Variants in SNX25 observed in about 807,000 individuals in gnomAD.
SNX25 encodes sorting nexin-25.
SNX25 carries 62 observed loss-of-function variants against 113.7 expected under a neutral mutation model. The observed-to-expected ratio is 0.55, with a 90% CI of 0.44 to 0.67. The LOEUF (loss-of-function observed/expected upper bound fraction) is 0.67, where lower values mean the gene tolerates loss of function less well. SNX25 is among the 30% of genes least tolerant of loss of function. SNX25 has a pLI of 0.00. For missense variants in SNX25, 1,014 were observed against 1,161.0 expected (o/e 0.87, Z 1.84); for synonymous variants, 421 against 436.2 (o/e 0.97, Z 0.43).
At chr4:185,329,194 C>T (rs575081885) in intron 9 of SNX25, among the ~76,000 whole-genome samples, 12 of 152,188 alleles carry the variant, frequency 7.9e-5, no homozygotes, top group African/African-American at 2.9e-4. Flanking sequence ...TCAAAGGTGC[C>T]GTTTTCAGGC....
chr4:185,333,543 C>T (rs527826576), intron 10 of SNX25, among the ~76,000 whole-genome samples: 2 of 152,244 alleles, frequency 1.3e-5, no homozygotes, highest in Non-Finnish European at 2.9e-5. Context: ...GTAAGAAAAA[C>T]TGGTATCATG....
chr4:185,294,466 A>G (rs1245443059), intron 6 of SNX25, among the ~76,000 whole-genome samples: 1 of 152,192 alleles, frequency 6.6e-6, no homozygotes. Context: ...TGAAGGAGTC[A>G]GGGGTTATGT....
chr4:185,323,543 T>C lies in SNX25; in HGVS notation c.1492T>C (p.Leu498=). ...GTCTTTTCAGAATGAAATTCCACAA[T>C]TAGTTGGTGAAATTTATCAGAATTT... ...KNANKNEIPQ[L]VGEIYQNFFV... Residue 498 remains leucine, a synonymous_variant, in exon 9 of 19, where the codon TTA becomes CTA. Transcript: ENST00000652585. 6.2e-7 allele frequency: 1 copy of C among 1,610,600 alleles called. No homozygotes were observed. Among genetic ancestry groups the C allele is most frequent in the African/African-American group, 1.3e-5 (1 of 74,822 alleles).
chr4:185,226,754 G>GA (rs1198818913), intron 1 of SNX25, among the ~76,000 whole-genome samples: 11 of 152,166 alleles, frequency 7.2e-5, no homozygotes, highest in African/African-American at 2.7e-4. Context: ...CTGTGCCTTG[G>GA]AAAAACTAAT....
intron 1 of SNX25, among the ~76,000 whole-genome samples, chr4:185,220,810 A>G (rs554203433): frequency 2.0e-5 from 3 of 152,086 alleles, no homozygotes; most frequent in African/African-American, 7.2e-5. Context: ...TCTTCTCCTT[A>G]TACCCCATAG....
At chr4:185,244,270 G>A (rs1744515550) in intron 1 of SNX25, among the ~76,000 whole-genome samples, 1 of 152,226 alleles carries the variant, frequency 6.6e-6, no homozygotes, top group African/African-American at 2.4e-5. Flanking sequence ...TGGGATTATA[G>A]GCGTGAGCCA....
At chr4:185,372,803 A>C, downstream of SNX25, 1 of 1,412,556 alleles carries the variant, frequency 7.1e-7, no homozygotes, top group Non-Finnish European at 9.8e-7. Flanking sequence ...CTCATAAATT[A>C]CCTAGTGTGT....
At chr4:185,283,027 C>G (rs142696051) in intron 5 of SNX25, among the ~76,000 whole-genome samples, 2 of 152,290 alleles carry the variant, frequency 1.3e-5, no homozygotes, top group African/African-American at 2.4e-5. Flanking sequence ...CATTTCCTCT[C>G]GGTATCCAGT....
At chr4:185,314,051 T>G (rs1175515746) in intron 7 of SNX25, among the ~76,000 whole-genome samples, 1 of 152,186 alleles carries the variant, frequency 6.6e-6, no homozygotes, top group Admixed American at 6.5e-5. Context: ...AGTCTTGCTG[T>G]GTCAGGGGCG....
chr4:185,350,097 C>G (rs967008969), intron 13 of SNX25, among the ~76,000 whole-genome samples: 14 of 152,348 alleles, frequency 9.2e-5, no homozygotes, highest in African/African-American at 2.6e-4. Context: ...GCCTGCCCAC[C>G]TCCAGGCCAG....
chr4:185,284,066 T>C (rs1751017186), intron 5 of SNX25, among the ~76,000 whole-genome samples: 1 of 152,226 alleles, frequency 6.6e-6, no homozygotes, highest in South Asian at 2.1e-4. Flanking sequence ...TAATATCTAT[T>C]GAGTGCCTAC....
intron 1 of SNX25, among the ~76,000 whole-genome samples, chr4:185,211,646 C>T (rs1486675593): frequency 6.6e-6 from 1 of 152,140 alleles, no homozygotes; most frequent in Non-Finnish European, 1.5e-5. Context: ...ATCAACAGGA[C>T]ACATAAATAT....
At chr4:185,277,747 T>C (rs1749940388) in intron 5 of SNX25, among the ~76,000 whole-genome samples, 1 of 39,276 alleles carries the variant, frequency 2.5e-5, no homozygotes, top group Admixed American at 2.8e-4. Flanking sequence ...TTTTTTTTTT[T>C]TTTGAGACGG....
chr4:185,340,518 C>G (rs12507553), intron 11 of SNX25, among the ~76,000 whole-genome samples: 1 of 152,170 alleles, frequency 6.6e-6, no homozygotes, highest in African/African-American at 2.4e-5. Context: ...CATGCCCAGC[C>G]TCAGACTCCC....
At chr4:185,287,278 G>T (rs1421973963) in intron 5 of SNX25, among the ~76,000 whole-genome samples, 1 of 152,186 alleles carries the variant, frequency 6.6e-6, no homozygotes, top group African/African-American at 2.4e-5. Flanking sequence ...TATAGCTGGT[G>T]CTCTAATCTC....
chr4:185,326,618 A>C (rs2095159064), intron 9 of SNX25, among the ~76,000 whole-genome samples: 4 of 152,224 alleles, frequency 2.6e-5, no homozygotes, highest in Admixed American at 1.3e-4. Flanking sequence ...AAAACGTTGG[A>C]ACACATACCA....
At chr4:185,335,261 A>G (rs1460727653) in intron 10 of SNX25, among the ~76,000 whole-genome samples, 1 of 151,074 alleles carries the variant, frequency 6.6e-6, no homozygotes, top group Admixed American at 6.6e-5. Context: ...TGGAGGTTGC[A>G]GTCAGCCGAG....
intron 7 of SNX25, among the ~76,000 whole-genome samples, chr4:185,314,537 G>A (rs2095055380): frequency 6.6e-6 from 1 of 152,032 alleles, no homozygotes; most frequent in South Asian, 2.1e-4. Context: ...CAAATTCCCT[G>A]GAAGACACAA....
At chr4:185,297,121 CCTAA>C (rs1752944488) in intron 6 of SNX25, among the ~76,000 whole-genome samples, 1 of 152,094 alleles carries the variant, frequency 6.6e-6, no homozygotes, top group Admixed American at 6.6e-5. Context: ...AGGGTTTGTT[CCTAA>C]CTCTTTTATA....
Sources: gnomAD v4.1 joint callset for allele counts (sites outside exome capture counted in the v4.1 genomes callset) on GRCh38, gnomAD v4.1.1 for gene constraint, MANE v1.5 for transcripts, NCBI Gene and HGNC (gene_info 2026-07-23, HGNC 2026-07-21) for gene names.